Variants in KANK1 observed in about 807,000 individuals in gnomAD.
KANK1 encodes the protein KN motif and ankyrin repeat domain-containing protein 1.
In KANK1, 109 loss-of-function variants were observed where a neutral mutation model predicts 106.2. The observed-to-expected ratio is 1.03, with a 90% CI of 0.88 to 1.20. KANK1 has a LOEUF of 1.20. KANK1 is among the 50% of genes most tolerant of loss of function. The pLI, the probability that KANK1 is intolerant of heterozygous loss-of-function variation, is 0.00. For synonymous variants in KANK1, 873 were observed against 652.2 expected (o/e 1.34, Z -5.16); for missense variants, 2,399 against 1,710.7 (o/e 1.40, Z -7.10).
At chr9:609,861 T>G (rs1312111507) in intron 1 of KANK1, among the ~76,000 whole-genome samples, 1 of 152,126 alleles carries the variant, frequency 6.6e-6, no homozygotes, top group African/African-American at 2.4e-5. Context: ...TAAAGAAAAT[T>G]TTTAAAATTT....
At chr9:568,269 A>G (rs1249230837) in intron 1 of KANK1, among the ~76,000 whole-genome samples, 1 of 152,182 alleles carries the variant, frequency 6.6e-6, no homozygotes, top group African/African-American at 2.4e-5. Context: ...TCATTTTTAT[A>G]TTTTTGTTTA....
intron 3 of KANK1, among the ~76,000 whole-genome samples, chr9:729,422 G>T (rs1335781199): frequency 6.6e-6 from 1 of 152,216 alleles, no homozygotes; most frequent in Non-Finnish European, 1.5e-5. Context: ...GCTGTGTGAA[G>T]ATGGGGGAAG....
chr9:679,281 C>G (rs917068713), intron 2 of KANK1, among the ~76,000 whole-genome samples: 2 of 152,022 alleles, frequency 1.3e-5, no homozygotes, highest in African/African-American at 4.8e-5. Context: ...CAACCATAAA[C>G]AGTAATATAT....
At chr9:541,860 C>T (rs1407506996) in intron 1 of KANK1, among the ~76,000 whole-genome samples, 9 of 151,966 alleles carry the variant, frequency 5.9e-5, no homozygotes, top group African/African-American at 1.5e-4. Context: ...GAGGTCGAGG[C>T]GGGCGGATCA....
At chr9:528,841 C>G (rs527335887) in intron 1 of KANK1, among the ~76,000 whole-genome samples, 1 of 152,042 alleles carries the variant, frequency 6.6e-6, no homozygotes, top group Non-Finnish European at 1.5e-5. Flanking sequence ...TATTTGTAAG[C>G]CAGGCTGGAA....
intron 1 of KANK1, among the ~76,000 whole-genome samples, chr9:538,810 C>G (rs1483734770): frequency 6.6e-6 from 1 of 152,192 alleles, no homozygotes; most frequent in Non-Finnish European, 1.5e-5. Flanking sequence ...ATTTGTTACA[C>G]ATTTGGCATA....
At chr9:699,852 C>G (rs1257265777) in intron 2 of KANK1, among the ~76,000 whole-genome samples, 11 of 152,192 alleles carry the variant, frequency 7.2e-5, no homozygotes, top group Admixed American at 7.2e-4. Flanking sequence ...TTTGGTCACA[C>G]ACATCTGTAG....
At chr9:597,964 C>A (rs1249354650) in intron 1 of KANK1, among the ~76,000 whole-genome samples, 1 of 151,774 alleles carries the variant, frequency 6.6e-6, no homozygotes, top group Non-Finnish European at 1.5e-5. Context: ...CACCCCTGGC[C>A]TCCCTATGTT....
At chr9:527,550 C>T (rs925411860) in intron 1 of KANK1, among the ~76,000 whole-genome samples, 5 of 151,640 alleles carry the variant, frequency 3.3e-5, no homozygotes, top group Non-Finnish European at 7.3e-5. Flanking sequence ...ATCTGCCCAC[C>T]TCTGCCTCGC....
intron 1 of KANK1, among the ~76,000 whole-genome samples, chr9:563,933 C>G (rs1817141985): frequency 6.6e-6 from 1 of 152,074 alleles, no homozygotes; most frequent in Non-Finnish European, 1.5e-5. Flanking sequence ...TGCTTTTTTT[C>G]TTTCTTCCCT....
chr9:624,709 G>A (rs1414898384), intron 1 of KANK1, among the ~76,000 whole-genome samples: 1 of 152,136 alleles, frequency 6.6e-6, no homozygotes, highest in East Asian at 1.9e-4. Context: ...TGAGGCAGGA[G>A]AATCACTTGA....
At chr9:741,051 T>G in intron 9 of KANK1, 117 bp downstream of exon 9, 1 of 1,146,128 alleles carries the variant, frequency 8.7e-7, no homozygotes, top group Non-Finnish European at 1.2e-6. Context: ...TGCACTTGTT[T>G]GCAGGCCTGC....
chr9:655,504 G>C (rs1040527394), intron 1 of KANK1, among the ~76,000 whole-genome samples: 1 of 152,164 alleles, frequency 6.6e-6, no homozygotes, highest in Non-Finnish European at 1.5e-5. Flanking sequence ...TTCCACTTCA[G>C]TGTGCATACA....
chr9:701,866 A>C (rs960708741), intron 2 of KANK1, among the ~76,000 whole-genome samples: 1 of 152,204 alleles, frequency 6.6e-6, no homozygotes, highest in Non-Finnish European at 1.5e-5. Flanking sequence ...AAAATCATAT[A>C]GTACTTTATG....
intron 1 of KANK1, among the ~76,000 whole-genome samples, chr9:615,524 A>G (rs1234302347): frequency 6.6e-6 from 1 of 152,128 alleles, no homozygotes; most frequent in Non-Finnish European, 1.5e-5. Context: ...TTTCTTATCA[A>G]ATAGACTAAA....
chr9:686,899 G>C (rs966652442), intron 2 of KANK1: 1 of 985,204 alleles, frequency 1.0e-6, no homozygotes, highest in South Asian at 4.7e-5. Flanking sequence ...GAAGAATCCT[G>C]AGACTAAACA....
At chr9:719,654 T>C (rs1828783110) in intron 3 of KANK1, among the ~76,000 whole-genome samples, 1 of 152,234 alleles carries the variant, frequency 6.6e-6, no homozygotes, top group Non-Finnish European at 1.5e-5. Context: ...TATATACCAA[T>C]AACTAATACC....
In KANK1 at chr9:713,301, C is replaced by T. The variant is rs1826724830; in HGVS notation, c.2535C>T (p.Tyr845=). The change falls in exon 3 of 12, where the codon TAC becomes TAT. Residue 845 remains tyrosine (Y), a synonymous_variant. Transcript: ENST00000382297. ...AEQQTLLAEN[Y]SELAEAFGEP... ...AGCAGACACTGCTGGCTGAGAACTA[C>T]AGTGAACTGGCAGAAGCTTTCGGGG... 4 of 1,614,022 alleles carry T rather than the reference C, an allele frequency of 2.5e-6. No individual in the cohort carries two copies. The highest frequency in any genetic ancestry group is 2.2e-5 in the East Asian group (1 of 44,884).
chr9:569,623 A>G (rs1818673285), intron 1 of KANK1, among the ~76,000 whole-genome samples: 1 of 152,188 alleles, frequency 6.6e-6, no homozygotes, highest in African/African-American at 2.4e-5. Flanking sequence ...ACCCAGTTTC[A>G]GGTATTCTGT....
Sources: gnomAD v4.1 joint callset for allele counts (sites outside exome capture counted in the v4.1 genomes callset) on GRCh38, gnomAD v4.1.1 for gene constraint, MANE v1.5 for transcripts, NCBI Gene and HGNC (gene_info 2026-07-23, HGNC 2026-07-21) for gene names.